Variants in ROR2 observed in about 807,000 individuals in gnomAD.
ROR2 encodes ROR family WNT receptor 2.
Under a neutral mutation model 74.9 loss-of-function variants are expected in ROR2, and 33 were observed. The observed-to-expected ratio is 0.44, with a 90% CI of 0.33 to 0.59. The LOEUF (loss-of-function observed/expected upper bound fraction) is 0.59, where lower values mean the gene tolerates loss of function less well. Among genes scored for constraint, ROR2 ranks in the 20% least tolerant of loss-of-function variants. ROR2 has a pLI of 0.02. For missense variants in ROR2, 1,216 were observed against 1,313.8 expected, an observed-to-expected ratio of 0.93 and a Z score of 1.15; for synonymous variants, 586 against 558.7, an observed-to-expected ratio of 1.05 and a Z score of -0.69.
intron 1 of ROR2, among the ~76,000 whole-genome samples, chr9:91,904,324 G>C (rs1830756178): frequency 6.6e-6 from 1 of 152,138 alleles, no homozygotes; most frequent in Non-Finnish European, 1.5e-5. Flanking sequence ...ATTGTGCCTT[G>C]TTCACCTGAC....
intron 1 of ROR2, among the ~76,000 whole-genome samples, chr9:91,929,512 T>G (rs1831496742): frequency 6.6e-6 from 1 of 152,176 alleles, no homozygotes; most frequent in Admixed American, 6.5e-5. Context: ...ATCAAGAGAC[T>G]GAGGCAACAC....
chr9:91,765,724 G>A (rs901788664), intron 2 of ROR2, among the ~76,000 whole-genome samples: 11 of 152,182 alleles, frequency 7.2e-5, no homozygotes, highest in African/African-American at 2.7e-4. Flanking sequence ...AGGTCTCCTA[G>A]CTTCACAGGT....
At chr9:91,867,688 G>GTGTGTGTGTT (rs1403060556) in intron 1 of ROR2, among the ~76,000 whole-genome samples, 4 of 151,372 alleles carry the variant, frequency 2.6e-5, no homozygotes, top group Non-Finnish European at 1.5e-5. Flanking sequence ...GTGTGTGTGT[G>GTGTGTGTGTT]TGTGTGTGTG....
At chr9:91,942,774 G>C (rs929713713) in intron 1 of ROR2, among the ~76,000 whole-genome samples, 9 of 152,178 alleles carry the variant, frequency 5.9e-5, no homozygotes, top group African/African-American at 2.2e-4. Context: ...AGAAGTCAAA[G>C]TGATATAGCT....
At chr9:91,726,485 C>T (rs1420940572) in intron 8 of ROR2, 56 bp downstream of exon 8, 1 of 1,473,964 alleles carries the variant, frequency 6.8e-7, no homozygotes, top group Non-Finnish European at 9.4e-7. Context: ...GGGAAACAAC[C>T]CCTGAGGATT....
At chr9:91,731,334 C>G (rs1047059098) in intron 6 of ROR2, among the ~76,000 whole-genome samples, 179 bp from the exon 7 acceptor site, 1 of 152,190 alleles carries the variant, frequency 6.6e-6, no homozygotes, top group Admixed American at 6.5e-5. Flanking sequence ...CAGGGCACAT[C>G]AGGGATAGGC....
At chr9:91,782,304 G>A (rs1254503160) in intron 1 of ROR2, among the ~76,000 whole-genome samples, 3 of 152,094 alleles carry the variant, frequency 2.0e-5, no homozygotes, top group African/African-American at 7.2e-5. Context: ...CAAGGAAGTA[G>A]CTCTTGAATA....
chr9:91,848,024 G>A (rs1012609660), intron 1 of ROR2, among the ~76,000 whole-genome samples: 11 of 152,178 alleles, frequency 7.2e-5, no homozygotes, highest in Non-Finnish European at 1.5e-4. Context: ...AGAGCAAGCA[G>A]AAACTTGAAG....
At chr9:91,911,416 A>C (rs1160472910) in intron 1 of ROR2, among the ~76,000 whole-genome samples, 1 of 152,234 alleles carries the variant, frequency 6.6e-6, no homozygotes, top group Non-Finnish European at 1.5e-5. Flanking sequence ...CTGTGTATCT[A>C]AACATCTAAC....
intron 1 of ROR2, among the ~76,000 whole-genome samples, chr9:91,816,708 C>A (rs1827952095): frequency 6.8e-6 from 1 of 146,158 alleles, no homozygotes; most frequent in Non-Finnish European, 1.5e-5. Flanking sequence ...CCCCCCAACA[C>A]ACACACTCTA....
intron 1 of ROR2, among the ~76,000 whole-genome samples, chr9:91,912,665 CAT>C (rs1417100874): frequency 2.0e-5 from 3 of 152,108 alleles, no homozygotes; most frequent in Non-Finnish European, 4.4e-5. Flanking sequence ...AATTAACAAA[CAT>C]GTAACAGGAA....
chr9:91,785,133 T>G (rs1195330716), intron 1 of ROR2, among the ~76,000 whole-genome samples: 2 of 152,148 alleles, frequency 1.3e-5, no homozygotes, highest in Non-Finnish European at 2.9e-5. Context: ...TGGGGTGGCC[T>G]CCACTCCTCA....
At chr9:91,845,312 C>G (rs1338359270) in intron 1 of ROR2, among the ~76,000 whole-genome samples, 1 of 152,154 alleles carries the variant, frequency 6.6e-6, no homozygotes, top group Non-Finnish European at 1.5e-5. Context: ...TGCAACCAGC[C>G]AGAGCCACAA....
intron 1 of ROR2, among the ~76,000 whole-genome samples, chr9:91,855,808 C>G (rs568547560): frequency 1.3e-4 from 20 of 151,342 alleles, no homozygotes; most frequent in African/African-American, 4.8e-4. Flanking sequence ...GAGGAGGGAC[C>G]AGGGCGGCCT....
intron 1 of ROR2, among the ~76,000 whole-genome samples, chr9:91,916,064 GCCC>G (rs1486680025): frequency 2.0e-5 from 3 of 152,162 alleles, no homozygotes; most frequent in Non-Finnish European, 4.4e-5. Context: ...GTCAGCAGAG[GCCC>G]TGGGATGTAT....
At chr9:91,927,811 T>A (rs1342404271) in intron 1 of ROR2, among the ~76,000 whole-genome samples, 1 of 151,872 alleles carries the variant, frequency 6.6e-6, no homozygotes, top group African/African-American at 2.4e-5. Flanking sequence ...CAATCCACCC[T>A]CCTCGGCCTC....
chr9:91,892,979 T>C (rs1450094813), intron 1 of ROR2, among the ~76,000 whole-genome samples: 5 of 152,160 alleles, frequency 3.3e-5, no homozygotes, highest in African/African-American at 9.7e-5. Context: ...TTTTTAAACG[T>C]CTGCTCAACA....
At chr9:91,896,920 G>A (rs930919233) in intron 1 of ROR2, among the ~76,000 whole-genome samples, 8 of 152,126 alleles carry the variant, frequency 5.3e-5, no homozygotes, top group Non-Finnish European at 7.4e-5. Context: ...ACACCGTTGG[G>A]CTCCACCGCC....
chr9:91,866,301 G>A (rs1429449317), intron 1 of ROR2, among the ~76,000 whole-genome samples: 1 of 151,636 alleles, frequency 6.6e-6, no homozygotes, highest in Non-Finnish European at 1.5e-5. Flanking sequence ...TATATTTTTA[G>A]TAGAGACAAG....
Sources: gnomAD v4.1 joint callset for allele counts (sites outside exome capture counted in the v4.1 genomes callset) on GRCh38, gnomAD v4.1.1 for gene constraint, MANE v1.5 for transcripts, NCBI Gene and HGNC (gene_info 2026-07-23, HGNC 2026-07-21) for gene names.